HMOX1: variants seen among roughly 807,000 people sequenced by gnomAD.
The protein encoded by HMOX1 is heme oxygenase 1.
Under a neutral mutation model 27.8 loss-of-function variants are expected in HMOX1, and 22 were observed. That is an observed-to-expected ratio of 0.79 (90% CI 0.57 to 1.13). The LOEUF (loss-of-function observed/expected upper bound fraction) is 1.13. Ranked by LOEUF, HMOX1 falls within the 50% of genes most tolerant of loss-of-function variation. HMOX1 has a pLI of 0.00. For synonymous variants in HMOX1, 153 were observed against 151.6 expected (o/e 1.01, Z -0.07); for missense variants, 379 against 377.7 (o/e 1.00, Z -0.03).
rs781675840 is a variant in HMOX1 at position 35,386,959 on chromosome 22, A to T, written c.419A>T (p.Asp140Val). The change falls in exon 3 of 5, where the codon GAC (aspartate) becomes GTC (valine). Residue 140 changes from aspartate (D) to valine (V), a missense_variant. Physicochemically the swap from Asp to Val is radical, Grantham distance 152. Coordinates refer to ENST00000216117, the MANE Select transcript of HMOX1 (RefSeq NM_002133.3). The part of the protein sequence containing the change: ...VAHAYTRYLG[D>V]LSGGQVLKKI... ...CACGCCTACACCCGCTACCTGGGTGACCTGTCTGGGGGCCAGGTGCTCAAA... is the reference window on the plus strand; with the variant it reads ...CACGCCTACACCCGCTACCTGGGTGTCCTGTCTGGGGGCCAGGTGCTCAAA... The T allele has an allele frequency of 5.6e-6, 9 of 1,613,898 alleles. No homozygotes were observed.
chr22:35,388,960 C>CA (rs1931579308), intron 3 of HMOX1, among the ~76,000 whole-genome samples: 1 of 152,160 alleles, frequency 6.6e-6, no homozygotes, highest in Non-Finnish European at 1.5e-5. Flanking sequence ...AATCTAAACT[C>CA]AAGAGAAGAA....
At chr22:35,390,817 G>A (rs1017749275) in intron 4 of HMOX1, among the ~76,000 whole-genome samples, 1 of 152,176 alleles carries the variant, frequency 6.6e-6, no homozygotes, top group African/African-American at 2.4e-5. Flanking sequence ...ACCCACCACA[G>A]GAAGATGTCC....
intron 3 of HMOX1, among the ~76,000 whole-genome samples, chr22:35,389,320 T>C (rs1601743223): frequency 2.2e-5 from 2 of 92,364 alleles, no homozygotes. Flanking sequence ...TCTTTCTTTC[T>C]TCTTTCTTTC....
chr22:35,393,085 T>G (rs1302793135), intron 4 of HMOX1, among the ~76,000 whole-genome samples: 1 of 152,154 alleles, frequency 6.6e-6, no homozygotes, highest in East Asian at 1.9e-4. Context: ...GCTTTCTAGC[T>G]CCTGCCCCAT....
intron 4 of HMOX1, 134 bp from the exon 5 acceptor site, chr22:35,393,333 TG>T: frequency 1.9e-6 from 2 of 1,028,900 alleles, no homozygotes; most frequent in African/African-American, 1.6e-5. Context: ...CACCTGTCTG[TG>T]GTCTTGCAGA....
rs1555901538 is a variant in HMOX1 at position 35,389,229 on chromosome 22, C to CTTTCTTTCTTTCTTTCTT, written c.637-624_637-623insCTTTCTTTTTCTTTCTTT. ...TCTTTCTTTCTCTCTTTCTTTCTTT[C>CTTTCTTTCTTTCTTTCTT]TTTCTTTCTTTTTCTTTCTTTTCTC... On this transcript the variant is annotated intron_variant, in intron 3 of 4. Transcript: ENST00000216117. 2.8e-3 allele frequency among the ~76,000 whole-genome samples: 332 copies of CTTTCTTTCTTTCTTTCTT among 116,962 alleles called. 16 individuals are homozygous for CTTTCTTTCTTTCTTTCTT. The highest frequency in any genetic ancestry group is 0.016 in the African/African-American group (296 of 19,020). 76.7% of individuals were successfully genotyped at this position (116,962 alleles called of 152,430 possible).
rs925309768 is a variant in HMOX1, at chr22:35,386,551, C to T, written c.145-134C>T. The T allele has an allele frequency of 1.9e-5, 20 of 1,048,374 alleles. No homozygotes were observed. The Middle Eastern group carries it at 6.9e-4, about 36-fold the overall frequency. 64.9% of individuals were successfully genotyped at this position (1,048,374 alleles called of 1,614,324 possible). ...GGCTGCTGTGTGAAGAGGATTGTAG[C>T]GAGGGGTGGCAGAAGGAGTCAGAGC... is the stretch of plus-strand genomic sequence containing the variant. On this transcript the variant is annotated intron_variant, in intron 2 of 4. Transcript: ENST00000216117.
At chr22:35,388,494 C>CG (rs1931563246) in intron 3 of HMOX1, among the ~76,000 whole-genome samples, 1 of 151,082 alleles carries the variant, frequency 6.6e-6, no homozygotes, top group Admixed American at 6.6e-5. Flanking sequence ...CAAAAAAAAA[C>CG]GGCTCTTGGC....
intron 2 of HMOX1, among the ~76,000 whole-genome samples, chr22:35,385,158 T>G (rs2034693025): frequency 6.6e-6 from 1 of 152,112 alleles, no homozygotes; most frequent in South Asian, 2.1e-4. Flanking sequence ...CAGCCCAGCA[T>G]GCAGAGGTGG....
chr22:35,389,741 A>G (rs1440819044), intron 3 of HMOX1, 123 bp from the exon 4 acceptor site: 14 of 763,378 alleles, frequency 1.8e-5, no homozygotes, highest in Non-Finnish European at 3.2e-5. Context: ...GTGTCCGGCC[A>G]ATATTTTTCT....
At chr22:35,381,813 C>A (rs1265282957) in intron 1 of HMOX1, among the ~76,000 whole-genome samples, 1 of 152,056 alleles carries the variant, frequency 6.6e-6, no homozygotes, top group African/African-American at 2.4e-5. Flanking sequence ...CCTCCCACCT[C>A]AGCCTCCAGA....
chr22:35,389,319 CT>C (rs374997729), intron 3 of HMOX1, among the ~76,000 whole-genome samples: 2 of 86,352 alleles, frequency 2.3e-5, no homozygotes, highest in African/African-American at 7.1e-5. Flanking sequence ...TTCTTTCTTT[CT>C]TCTTTCTTTC....
At chr22:35,381,444 T>C in intron 1 of HMOX1, 1 of 572,116 alleles carries the variant, frequency 1.7e-6, no homozygotes, top group Non-Finnish European at 3.1e-6. Flanking sequence ...GTCCCTAGAG[T>C]ATCCAGTCTT....
In HMOX1 at chr22:35,381,140, C is replaced by T; in HGVS notation, c.-34C>T. 6.5e-7 allele frequency: 1 copy of T among 1,538,794 alleles called. No individual in the cohort carries two copies. Among genetic ancestry groups the T allele is most frequent in the Non-Finnish European group, 8.7e-7 (1 of 1,148,132 alleles). On this transcript the variant is annotated 5_prime_UTR_variant, in exon 1 of 5. Transcript: ENST00000216117. ...GCGTCCTCAGCGCAGCCGCCGCCCGCGGAGCCAGCACGAACGAGCCCAGCA... is the reference window on the plus strand; with the variant it reads ...GCGTCCTCAGCGCAGCCGCCGCCCGTGGAGCCAGCACGAACGAGCCCAGCA...
At chr22:35,389,108 G>A (rs187975425) in intron 3 of HMOX1, among the ~76,000 whole-genome samples, 11 of 152,260 alleles carry the variant, frequency 7.2e-5, no homozygotes, top group Admixed American at 7.2e-4. Flanking sequence ...CATTGTTATC[G>A]GTTGGGAGGG....
chr22:35,386,555 G>A, intron 2 of HMOX1, 130 bp from the exon 3 acceptor site: 1 of 1,084,638 alleles, frequency 9.2e-7, no homozygotes, highest in South Asian at 1.3e-5. Context: ...TTGTAGCGAG[G>A]GGTGGCAGAA....
chr22:35,384,266 T>A lies in HMOX1; in HGVS notation c.144+1040T>A, dbSNP rs866568190. 3.9e-5 allele frequency among the ~76,000 whole-genome samples: 6 copies of A among 152,206 alleles called. No individual in the cohort carries two copies. The Middle Eastern group carries it at 0.01, about 259-fold the overall frequency. ...CTGGCCAATTTTTGTATTTTTTTAG[T>A]AGAGACAGGGTTTTACCATGTTGGC... is the stretch of plus-strand genomic sequence containing the variant. On this transcript the variant is annotated intron_variant, in intron 2 of 4. Transcript: ENST00000216117.
intron 3 of HMOX1, among the ~76,000 whole-genome samples, chr22:35,388,529 T>C (rs907310098): frequency 2.0e-5 from 3 of 151,788 alleles, no homozygotes; most frequent in Non-Finnish European, 2.9e-5. Flanking sequence ...GGGTCACGCC[T>C]GTAATTCCAG....
rs776945263 is a variant in HMOX1, at chr22:35,386,906, G to A, written c.366G>A (p.Gly122=). The A allele has an allele frequency of 1.2e-5, 20 of 1,613,958 alleles. No individual in the cohort carries two copies. The East Asian group carries it at 1.8e-4, about 14-fold the overall frequency. ...QRYVKRLHEV[G]RTEPELLVAH... ...ATGTGAAGCGGCTCCACGAGGTGGG[G>A]CGCACAGAGCCCGAGCTGCTGGTGG... Residue 122 remains glycine, a synonymous_variant, in exon 3 of 5, where the codon GGG becomes GGA. Transcript: ENST00000216117.
Sources: gnomAD v4.1 joint callset for allele counts (sites outside exome capture counted in the v4.1 genomes callset) on GRCh38, gnomAD v4.1.1 for gene constraint, MANE v1.5 for transcripts, NCBI Gene and HGNC (gene_info 2026-07-23, HGNC 2026-07-21) for gene names.